ZFP64: variants seen among roughly 807,000 people sequenced by gnomAD.
The protein encoded by ZFP64 is zinc finger protein 64.
A neutral mutation model predicts 51.6 loss-of-function variants in ZFP64; 14 were observed. The ratio of observed to expected loss-of-function variants is 0.27; its 90% CI spans 0.18 to 0.42. ZFP64 has a LOEUF of 0.42. ZFP64 is among the 10% of genes least tolerant of loss of function. ZFP64 has a pLI of 1.00. For synonymous variants in ZFP64, 375 were observed against 361.4 expected, an observed-to-expected ratio of 1.04 and a Z score of -0.43; for missense variants, 754 against 906.8, an observed-to-expected ratio of 0.83 and a Z score of 2.16.
intron 2 of ZFP64, among the ~76,000 whole-genome samples, chr20:52,180,572 A>T (rs1260471446): frequency 2.8e-5 from 4 of 144,620 alleles, no homozygotes; most frequent in African/African-American, 7.5e-5. Context: ...AAAAAAAATC[A>T]ATCTTGGTCA....
intron 5 of ZFP64, among the ~76,000 whole-genome samples, chr20:52,113,119 G>A (rs566316896): frequency 1.1e-4 from 16 of 152,148 alleles, no homozygotes; most frequent in Admixed American, 1.0e-3. Flanking sequence ...CAGATCACGA[G>A]GTCAAGAGAT....
intron 5 of ZFP64, among the ~76,000 whole-genome samples, chr20:52,099,206 G>A (rs1331138432): frequency 6.6e-6 from 1 of 152,048 alleles, no homozygotes; most frequent in Non-Finnish European, 1.5e-5. Context: ...ATCCATCCCA[G>A]GCTGATATTT....
chr20:52,117,439 T>A (rs1477325149), intron 5 of ZFP64, among the ~76,000 whole-genome samples: 3 of 152,062 alleles, frequency 2.0e-5, no homozygotes, highest in Non-Finnish European at 2.9e-5. Flanking sequence ...CCCAACATGG[T>A]GAAACCTTGT....
chr20:52,159,244 A>G (rs1416745070), intron 5 of ZFP64, among the ~76,000 whole-genome samples: 1 of 152,214 alleles, frequency 6.6e-6, no homozygotes, highest in African/African-American at 2.4e-5. Flanking sequence ...TAACTGATAC[A>G]CCGAAAGAAA....
At chr20:52,165,790 C>T (rs1982213220) in intron 3 of ZFP64, 74 bp downstream of exon 3, 1 of 1,592,704 alleles carries the variant, frequency 6.3e-7, no homozygotes, top group African/African-American at 1.3e-5. Flanking sequence ...TTGTCAGGAA[C>T]TCATGAGGAG....
chr20:52,162,277 G>GAC (rs1981873882), intron 4 of ZFP64, among the ~76,000 whole-genome samples: 1 of 151,704 alleles, frequency 6.6e-6, no homozygotes, highest in East Asian at 2.0e-4. Context: ...CAGCCTGGGT[G>GAC]ACAGAGTGAG....
chr20:52,183,379 C>T (rs1366999067), intron 2 of ZFP64, among the ~76,000 whole-genome samples: 2 of 152,150 alleles, frequency 1.3e-5, no homozygotes, highest in Non-Finnish European at 2.9e-5. Flanking sequence ...TATATGGCTC[C>T]CATCCACTGT....
At chr20:52,188,308 CTTTT>C (rs1164512289) in intron 1 of ZFP64, among the ~76,000 whole-genome samples, 31 of 104,238 alleles carry the variant, frequency 3.0e-4, no homozygotes, top group East Asian at 8.2e-4. Context: ...CTTTTTCTTT[CTTTT>C]TTTTTTTTTT....
chr20:52,124,465 G>T (rs761912379), intron 5 of ZFP64, among the ~76,000 whole-genome samples: 2 of 152,090 alleles, frequency 1.3e-5, no homozygotes, highest in Non-Finnish European at 2.9e-5. Flanking sequence ...AAAATTTACT[G>T]TAATAGACAG....
chr20:52,101,354 AGGACTTGCGATTCCAG>A (rs1259975973), intron 5 of ZFP64, among the ~76,000 whole-genome samples: 1 of 144,528 alleles, frequency 6.9e-6, no homozygotes, highest in Non-Finnish European at 1.5e-5. Context: ...GGATCAAGTA[AGGACTTGCGATTCCAG>A]GGACTTGCGA....
chr20:52,136,281 C>A (rs1291514305), intron 5 of ZFP64, among the ~76,000 whole-genome samples: 3 of 151,950 alleles, frequency 2.0e-5, no homozygotes, highest in Non-Finnish European at 2.9e-5. Flanking sequence ...CCATACTGAA[C>A]CAATGCATGG....
intron 5 of ZFP64, among the ~76,000 whole-genome samples, chr20:52,127,969 C>T (rs555851682): frequency 9.9e-5 from 15 of 152,080 alleles, no homozygotes; most frequent in African/African-American, 2.2e-4. Flanking sequence ...ATTTTTTTCC[C>T]GGGTCTGTGG....
chr20:52,178,991 A>T (rs1983430847), intron 2 of ZFP64, among the ~76,000 whole-genome samples: 1 of 152,066 alleles, frequency 6.6e-6, no homozygotes, highest in South Asian at 2.1e-4. Flanking sequence ...AAAGTGACTG[A>T]TATGGTTTGG....
At chr20:52,144,665 T>C (rs1207305175) in intron 5 of ZFP64, among the ~76,000 whole-genome samples, 1 of 144,560 alleles carries the variant, frequency 6.9e-6, no homozygotes, top group Non-Finnish European at 1.5e-5. Context: ...GCAAAAGTGC[T>C]ACTTTTACTT....
chr20:52,118,698 T>G (rs1979007103), intron 5 of ZFP64, among the ~76,000 whole-genome samples: 1 of 152,248 alleles, frequency 6.6e-6, no homozygotes, highest in African/African-American at 2.4e-5. Context: ...TTAAAGAAGT[T>G]GCAGAGCAAT....
At chr20:52,101,050 C>G (rs2079044717) in intron 5 of ZFP64, among the ~76,000 whole-genome samples, 1 of 152,126 alleles carries the variant, frequency 6.6e-6, no homozygotes, top group Non-Finnish European at 1.5e-5. Flanking sequence ...TTTCAATTGT[C>G]ATGATTCTGT....
At chr20:52,098,122 G>A (rs2079010904) in intron 6 of ZFP64, among the ~76,000 whole-genome samples, 2 of 140,136 alleles carry the variant, frequency 1.4e-5, no homozygotes, top group South Asian at 2.3e-4. Flanking sequence ...GCAGTGAGCC[G>A]AGATCACACC....
intron 5 of ZFP64, among the ~76,000 whole-genome samples, chr20:52,116,214 T>G (rs947223022): frequency 6.8e-6 from 1 of 147,332 alleles, no homozygotes; most frequent in African/African-American, 2.5e-5. Context: ...TGGCTTACTG[T>G]AACTTCCACC....
chr20:52,130,216 G>T lies in ZFP64; in HGVS notation c.763+29907C>A, dbSNP rs377061740. Among the ~76,000 whole-genome samples, 128 of 134,968 alleles carry T rather than the reference G, an allele frequency of 9.5e-4. 1 individual carries two copies. The highest frequency in any genetic ancestry group is 4.8e-3 in the African/African-American group (121 of 25,174). The allele number at this position is 134,968 out of a possible 152,430, so 88.5% of individuals were successfully genotyped here. On this transcript the variant is annotated intron_variant, in intron 5 of 8. Coordinates refer to the ZFP64 transcript ENST00000361387. ...TATATGGTGCCTACAATTGTGTTTT[G>T]TTTGTTTGTTTGTTTTTGGCAGGAT... is the stretch of plus-strand genomic sequence containing the variant.
Sources: allele counts gnomAD v4.1 joint callset (sites outside exome capture counted in the v4.1 genomes callset), GRCh38; gene constraint gnomAD v4.1.1; transcripts MANE v1.5; gene names NCBI Gene and HGNC (gene_info 2026-07-23, HGNC 2026-07-21).